The following IRS2 variants were observed in gnomAD, a reference collection of about 807,000 sequenced individuals.
IRS2 encodes insulin receptor substrate 2.
Under a neutral mutation model 70.9 loss-of-function variants are expected in IRS2, and 28 were observed. The ratio of observed to expected loss-of-function variants is 0.39; its 90% CI spans 0.29 to 0.54. The LOEUF (loss-of-function observed/expected upper bound fraction) is 0.54, where lower values mean the gene tolerates loss of function less well. Ranked by LOEUF, IRS2 falls within the 20% of genes least tolerant of loss-of-function variation. The probability of loss-of-function intolerance (pLI) is 0.59; values close to 1 mark genes in which losing one functional copy is unlikely to be tolerated. For synonymous variants in IRS2, 1,217 were observed against 981.9 expected (o/e 1.24, Z -4.48); for missense variants, 2,081 against 2,024.1 (o/e 1.03, Z -0.54).
rs1369647973 is a variant in IRS2, at chr13:109,782,116, G to A, written c.3938C>T (p.Ala1313Val). ...GGGCGGPGPG[A>V]LPPANTYASI... ...GGCGTAGGTGTTGGCAGGGGGCAGGGCACCGGGACCCGGCCCCCCGCACCC... is the reference window on the plus strand; with the variant it reads ...GGCGTAGGTGTTGGCAGGGGGCAGGACACCGGGACCCGGCCCCCCGCACCC... Residue 1313 changes from alanine to valine, a missense_variant, in exon 1 of 2, where the codon GCC (alanine) becomes GTC (valine). Transcript: ENST00000375856. 6 of 1,610,886 alleles carry A rather than the reference G, an allele frequency of 3.7e-6. No individual in the cohort carries two copies. In the East Asian group the frequency reaches 8.9e-5, roughly 24 times the overall value.
Position 109,784,531 on chromosome 13 carries a change from C to T in IRS2, c.1523G>A (p.Gly508Asp), listed in dbSNP as rs2138936127. Residue 508 changes from glycine to aspartate, a missense_variant, in exon 1 of 2, where the codon GGC becomes GAC. Gly to Asp is a moderately conservative substitution (Grantham distance 94). Around this residue, in one of 4 missense-constraint regions of IRS2, gnomAD observed 1,615 missense variants for 1,459.5 expected, o/e 1.11. Coordinates refer to ENST00000375856, the MANE Select transcript of IRS2 (RefSeq NM_003749.3). The surrounding 1 kb of genome is among the most constrained non-coding windows in gnomAD (Gnocchi z 5.2). ...MSLDEYGSSP[G>D]DLRAFCSHRS... The stretch of plus-strand genomic sequence containing the variant: ...GTGGCTGCAGAAGGCGCGCAGGTCG[C>T]CTGGGCTGGAGCCGTACTCGTCCAG... The T allele has an allele frequency of 1.3e-6, 2 of 1,522,228 alleles. No individual in the cohort carries two copies. The highest frequency in any genetic ancestry group is 1.8e-6 in the Non-Finnish European group (2 of 1,137,930). 94.3% of individuals were successfully genotyped at this position (1,522,228 alleles called of 1,614,324 possible). A position where few individuals can be genotyped will look rare whatever the true frequency, so the allele number is the denominator to read the frequency against.
At chr13:109,779,447 T>C (rs557364707) in intron 1 of IRS2, among the ~76,000 whole-genome samples, 7 of 152,256 alleles carry the variant, frequency 4.6e-5, no homozygotes, top group Non-Finnish European at 8.8e-5. Flanking sequence ...GTGAACTCTG[T>C]ATTTATGAGC....
Position 109,785,920 on chromosome 13 carries a change from T to C in IRS2, c.134A>G (p.Lys45Arg), listed in dbSNP as rs921690150. ...GGGTCCGCGCAGCACGAAGAAGCGCTTGTGGCCATGCTTCTGCTTGCGCAG... is the reference window on the plus strand; with the variant it reads ...GGGTCCGCGCAGCACGAAGAAGCGCCTGTGGCCATGCTTCTGCTTGCGCAG... Reference protein sequence around the residue: ...GYLRKQKHGHKRFFVLRGPGA... With the variant: ...GYLRKQKHGHRRFFVLRGPGA... Residue 45 changes from lysine to arginine, a missense_variant, in exon 1 of 2, where the codon AAG (lysine) becomes AGG (arginine). By Grantham distance (26) the Lys-to-Arg change is conservative. Around this residue, in one of 4 missense-constraint regions of IRS2, gnomAD observed 320 missense variants for 352.9 expected, o/e 0.91. Coordinates refer to ENST00000375856, the MANE Select transcript of IRS2 (RefSeq NM_003749.3). This position sits in a 1 kb window ranked among gnomAD's most constrained non-coding sequence, Gnocchi z 9.3. 8 of 1,497,136 alleles carry C rather than the reference T, an allele frequency of 5.3e-6. No individual in the cohort carries two copies. Among genetic ancestry groups the C allele is most frequent in the Non-Finnish European group, 7.1e-6 (8 of 1,130,008 alleles). 92.7% of individuals were successfully genotyped at this position (1,497,136 alleles called of 1,614,324 possible).
At chr13:109,780,898 T>C (rs1218182883) in intron 1 of IRS2, among the ~76,000 whole-genome samples, 2 of 152,204 alleles carry the variant, frequency 1.3e-5, no homozygotes, top group African/African-American at 4.8e-5. Context: ...ATTCAAAGTT[T>C]AGACAGCCAG....
intron 1 of IRS2, among the ~76,000 whole-genome samples, chr13:109,759,402 A>C (rs911457389): frequency 2.0e-5 from 3 of 152,164 alleles, no homozygotes; most frequent in Non-Finnish European, 4.4e-5. Flanking sequence ...ATTAACCAGC[A>C]GAAACAATCC....
chr13:109,779,480 A>T (rs1002069550), intron 1 of IRS2, among the ~76,000 whole-genome samples: 1 of 152,224 alleles, frequency 6.6e-6, no homozygotes, highest in Non-Finnish European at 1.5e-5. Context: ...TTTCTAGTGC[A>T]TGTATGAGTT....
Position 109,786,440 on chromosome 13 carries a change from C to A in IRS2, c.-387G>T, listed in dbSNP as rs1877931180. The A allele has an allele frequency of 1.4e-5, 2 of 147,854 alleles. No individual in the cohort carries two copies. Among genetic ancestry groups the A allele is most frequent in the South Asian group, 3.5e-4 (2 of 5,656 alleles). 9.2% of individuals were successfully genotyped at this position (147,854 alleles called of 1,614,324 possible). A position where few individuals can be genotyped will look rare whatever the true frequency, so the allele number is the denominator to read the frequency against. ...CGCGGCCGCACCGGGGCTGCTGCCGCCGCGTCGCGCTCCGGGAAGCCGGGG... is the reference window on the plus strand; with the variant it reads ...CGCGGCCGCACCGGGGCTGCTGCCGACGCGTCGCGCTCCGGGAAGCCGGGG... On this transcript the variant is annotated 5_prime_UTR_variant, in exon 1 of 2. Transcript: ENST00000375856. The surrounding 1 kb of genome is among the most constrained non-coding windows in gnomAD (Gnocchi z 4.4).
chr13:109,756,623 G>T (rs2138908627), intron 1 of IRS2, among the ~76,000 whole-genome samples: 1 of 152,240 alleles, frequency 6.6e-6, no homozygotes, highest in Admixed American at 6.5e-5. Flanking sequence ...GAAAAAGAAG[G>T]GCCAGTTCCT....
Position 109,782,478 on chromosome 13 carries a change from G to A in IRS2, c.3576C>T (p.Val1192=), listed in dbSNP as rs1169905617. 1.3e-6 allele frequency: 2 copies of A among 1,558,850 alleles called. No homozygotes were observed. The highest frequency in any genetic ancestry group is 8.7e-7 in the Non-Finnish European group (1 of 1,152,270). ...LRKSSEGGVG[V]GPGGGDEPPT... is the part of the protein sequence containing the mutation. ...GCGGCTCGTCGCCCCCTCCAGGGCC[G>A]ACACCCACGCCGCCCTCGCTGCTTT... The change falls in exon 1 of 2, where the codon GTC becomes GTT. Residue 1192 remains valine (V), a synonymous_variant. Coordinates refer to ENST00000375856, the MANE Select transcript of IRS2 (RefSeq NM_003749.3).
chr13:109,785,081 G>A lies in IRS2; in HGVS notation c.973C>T (p.His325Tyr), dbSNP rs1181912329. 2.5e-6 allele frequency: 4 copies of A among 1,578,668 alleles called. No individual in the cohort carries two copies. The highest frequency in any genetic ancestry group is 3.6e-5 in the Admixed American group (2 of 55,432). ...GGGGGCAGGTTGACCAGGTGGTGGT[G>A]GCGGCGCGCGCCGGGGACGCTGATG... ...HPISVPGARR[H>Y]HHLVNLPPSQ... The change falls in exon 1 of 2, where the codon CAC (histidine) becomes TAC (tyrosine). Residue 325 changes from histidine (H) to tyrosine (Y), a missense_variant. By Grantham distance (83) the His-to-Tyr change is moderately conservative. Coordinates refer to ENST00000375856, the MANE Select transcript of IRS2 (RefSeq NM_003749.3). This position sits in a 1 kb window ranked among gnomAD's most constrained non-coding sequence, Gnocchi z 9.3.
intron 1 of IRS2, among the ~76,000 whole-genome samples, chr13:109,774,705 C>T (rs2138922656): frequency 6.6e-6 from 1 of 152,288 alleles, no homozygotes; most frequent in South Asian, 2.1e-4. Flanking sequence ...CCTCTCCACA[C>T]TGTAGGTTCT....
intron 1 of IRS2, among the ~76,000 whole-genome samples, chr13:109,776,162 GA>G (rs71206928): frequency 6.7e-6 from 1 of 149,136 alleles, no homozygotes; most frequent in Non-Finnish European, 1.5e-5. Flanking sequence ...AAAAAAAAAA[GA>G]AAAAAACCCA....
chr13:109,764,638 G>A (rs1348085436), intron 1 of IRS2, among the ~76,000 whole-genome samples: 1 of 152,146 alleles, frequency 6.6e-6, no homozygotes, highest in Non-Finnish European at 1.5e-5. Context: ...AGACCAGGCA[G>A]CCCTGTGCTG....
chr13:109,770,313 T>G (rs906233732), intron 1 of IRS2, among the ~76,000 whole-genome samples: 7 of 152,190 alleles, frequency 4.6e-5, no homozygotes, highest in Admixed American at 4.6e-4. Flanking sequence ...ATGGGGAAGT[T>G]TCTGGAATAC....
rs1877759347 is a variant in IRS2, at chr13:109,782,894, G to C, written c.3160C>G (p.Gln1054Glu). The C allele has an allele frequency of 6.4e-7, 1 of 1,556,750 alleles. No homozygotes were observed. Among genetic ancestry groups the C allele is most frequent in the Non-Finnish European group, 8.7e-7 (1 of 1,150,828 alleles). The change falls in exon 1 of 2, where the codon CAG becomes GAG. Residue 1054 changes from glutamine (Q) to glutamate (E), a missense_variant. Around this residue, in one of 4 missense-constraint regions of IRS2, gnomAD observed 1,615 missense variants for 1,459.5 expected, o/e 1.11. Transcript: ENST00000375856. ...LPPASAVATAQGPGAASSLSS... is the reference protein window; with the variant it reads ...LPPASAVATAEGPGAASSLSS... ...AACGATGAGGCGGCGCCCGGGCCCT[G>C]GGCGGTGGCAACGGCCGAGGCGGGG...
At chr13:109,758,311 T>C (rs976407879) in intron 1 of IRS2, among the ~76,000 whole-genome samples, 3 of 152,206 alleles carry the variant, frequency 2.0e-5, no homozygotes, top group African/African-American at 7.2e-5. Flanking sequence ...TGCAAATCCA[T>C]TGACAGAAGA....
At chr13:109,775,610 T>C (rs1449492059) in intron 1 of IRS2, among the ~76,000 whole-genome samples, 1 of 152,106 alleles carries the variant, frequency 6.6e-6, no homozygotes, top group Non-Finnish European at 1.5e-5. Flanking sequence ...ACTAACTGTA[T>C]AGGGATAAAG....
chr13:109,761,589 G>GAAAAA (rs59128444), intron 1 of IRS2, among the ~76,000 whole-genome samples: 1 of 131,852 alleles, frequency 7.6e-6, no homozygotes, highest in South Asian at 2.4e-4. Flanking sequence ...CTAAGAACAT[G>GAAAAA]AAAAAAAAAA....
At chr13:109,772,688 A>AT (rs34886741) in intron 1 of IRS2, among the ~76,000 whole-genome samples, 60,674 of 130,828 alleles carry the variant, frequency 0.46, 14,920 homozygotes, top group Admixed American at 0.53. Flanking sequence ...TGCCTATTAC[A>AT]TTTTTTTTTT....
Sources: allele counts gnomAD v4.1 joint callset (sites outside exome capture counted in the v4.1 genomes callset), GRCh38; gene constraint gnomAD v4.1.1; regional missense constraint gnomAD v4.1.1; non-coding constraint Gnocchi (gnomAD v3.1); transcripts MANE v1.5; gene names NCBI Gene and HGNC (gene_info 2026-07-23, HGNC 2026-07-21).